DPF3: variants seen among roughly 807,000 people sequenced by gnomAD.
DPF3 encodes the protein zinc finger protein DPF3.
A neutral mutation model predicts 56.8 loss-of-function variants in DPF3; 18 were observed. That is an observed-to-expected ratio of 0.32 (90% confidence interval 0.22 to 0.47). The LOEUF (loss-of-function observed/expected upper bound fraction) is 0.47. Among genes scored for constraint, DPF3 ranks in the 20% least tolerant of loss-of-function variants. DPF3 has a pLI of 1.00. For missense variants in DPF3, 403 were observed against 488.8 expected (o/e 0.82, Z 1.65); for synonymous variants, 188 against 180.2 (o/e 1.04, Z -0.35).
chr14:72,667,833 A>AGTAT (rs1188249418), intron 8 of DPF3, among the ~76,000 whole-genome samples: 1 of 152,208 alleles, frequency 6.6e-6, no homozygotes, highest in Non-Finnish European at 1.5e-5. Context: ...GAAACAGCAA[A>AGTAT]GTATGTATAC....
intron 1 of DPF3, among the ~76,000 whole-genome samples, chr14:72,818,556 C>A (rs953520758): frequency 6.6e-6 from 1 of 152,112 alleles, no homozygotes; most frequent in Non-Finnish European, 1.5e-5. Flanking sequence ...TCATGCCTGC[C>A]GTCCCAGCTA....
At chr14:72,719,854 C>G (rs2153576362) in intron 5 of DPF3, among the ~76,000 whole-genome samples, 1 of 152,280 alleles carries the variant, frequency 6.6e-6, no homozygotes, top group East Asian at 1.9e-4. Flanking sequence ...ACAGAGGTTA[C>G]ATAATTCATC....
chr14:72,794,689 T>C (rs533377785), intron 1 of DPF3, among the ~76,000 whole-genome samples: 1 of 152,300 alleles, frequency 6.6e-6, no homozygotes, highest in African/African-American at 2.4e-5. Context: ...GGGTGCTGTG[T>C]TGGTTTTCTA....
At chr14:72,719,987 G>T (rs2153576377) in intron 5 of DPF3, among the ~76,000 whole-genome samples, 1 of 152,020 alleles carries the variant, frequency 6.6e-6, no homozygotes, top group South Asian at 2.1e-4. Flanking sequence ...CAAAGCACCT[G>T]GGGGCTTGTC....
Position 72,838,908 on chromosome 14 carries a change from C to CT in DPF3, c.32+55148dup, listed in dbSNP as rs376458640. Among the ~76,000 whole-genome samples the CT allele has an allele frequency of 2.2e-3, 172 of 78,580 alleles. 22 individuals carry two copies. The highest frequency in any genetic ancestry group is 9.3e-3 in the African/African-American group (134 of 14,408). The allele number at this position is 78,580 out of a possible 152,430, so 51.6% of individuals were successfully genotyped here. On this transcript the variant is annotated intron_variant, in intron 1 of 10. Transcript: ENST00000556509. ...TATCATATATATTATCATATATATT[C>CT]TTTTTTTTTTTTTTTTTTTTTTTTT...
chr14:72,799,263 T>C (rs771069426), intron 1 of DPF3, among the ~76,000 whole-genome samples: 2 of 152,162 alleles, frequency 1.3e-5, no homozygotes, highest in Non-Finnish European at 2.9e-5. Flanking sequence ...CTAGTAACAA[T>C]ACCTCCATTT....
intron 1 of DPF3, among the ~76,000 whole-genome samples, chr14:72,826,388 T>C (rs1305779116): frequency 6.6e-6 from 1 of 152,128 alleles, no homozygotes; most frequent in Non-Finnish European, 1.5e-5. Flanking sequence ...CGCTCCTCCT[T>C]TCTGTGATGG....
At chr14:72,688,563 T>C (rs1887535076) in intron 7 of DPF3, among the ~76,000 whole-genome samples, 1 of 152,234 alleles carries the variant, frequency 6.6e-6, no homozygotes, top group Non-Finnish European at 1.5e-5. Context: ...TCCAGAGCTC[T>C]TTCTGCTACT....
intron 3 of DPF3, among the ~76,000 whole-genome samples, chr14:72,744,933 C>A (rs913385116): frequency 9.2e-5 from 14 of 152,150 alleles, no homozygotes; most frequent in Non-Finnish European, 1.9e-4. Context: ...TCCCTCTTCC[C>A]GGAGGAGATG....
intron 1 of DPF3, among the ~76,000 whole-genome samples, chr14:72,871,227 G>C (rs1885888779): frequency 6.6e-6 from 1 of 152,112 alleles, no homozygotes; most frequent in Non-Finnish European, 1.5e-5. Context: ...GATTTACGTG[G>C]GGACACAGCC....
At position 72,614,524 on chromosome 14, in the gene DPF3, C is replaced by T. The variant is rs142830341; in HGVS notation, c.*4773G>A. On this transcript the variant is annotated 3_prime_UTR_variant, in exon 11 of 11. Transcript: ENST00000556509. ...GGGGACAGGGGCCTGGGGGCCTGAC[C>T]CCTCTGGTAGCAGTGCCTGGAAATG... is the stretch of plus-strand genomic sequence containing the variant. Among the ~76,000 whole-genome samples, 186 of 152,162 alleles carry T rather than the reference C, an allele frequency of 1.2e-3. No individual in the cohort carries two copies. Among genetic ancestry groups the T allele is most frequent in the Admixed American group, 2.0e-3 (30 of 15,294 alleles).
intron 1 of DPF3, among the ~76,000 whole-genome samples, chr14:72,847,967 G>A (rs542463228): frequency 6.6e-6 from 1 of 152,158 alleles, no homozygotes; most frequent in Non-Finnish European, 1.5e-5. Context: ...GCTCCTTAAT[G>A]ACAAGCTACT....
chr14:72,880,070 C>T, intron 1 of DPF3: 1 of 1,090,316 alleles, frequency 9.2e-7, no homozygotes, highest in African/African-American at 1.6e-5. Context: ...CAGTAACAGA[C>T]ATAGTAAGTT....
chr14:72,756,671 G>A (rs1037061153), intron 2 of DPF3, among the ~76,000 whole-genome samples: 3 of 151,906 alleles, frequency 2.0e-5, no homozygotes, highest in Non-Finnish European at 4.4e-5. Flanking sequence ...AAATTAGCCA[G>A]TATGGTGGCG....
chr14:72,653,678 T>C (rs1032483191), intron 8 of DPF3, among the ~76,000 whole-genome samples: 5 of 152,162 alleles, frequency 3.3e-5, no homozygotes, highest in African/African-American at 1.2e-4. Flanking sequence ...TAGATTTTGA[T>C]CCCAAAGTTA....
intron 8 of DPF3, chr14:72,671,511 C>T (rs979080177): frequency 2.1e-6 from 2 of 951,788 alleles, no homozygotes; most frequent in Non-Finnish European, 3.4e-6. Context: ...ACAAAGCAAA[C>T]ATTTCCAGGG....
intron 8 of DPF3, among the ~76,000 whole-genome samples, chr14:72,659,784 T>A (rs1599333489): frequency 6.6e-6 from 1 of 152,346 alleles, no homozygotes; most frequent in Non-Finnish European, 1.5e-5. Context: ...GTAATAAATA[T>A]GGGAAACTTC....
chr14:72,739,734 A>G (rs10140579), intron 3 of DPF3, among the ~76,000 whole-genome samples: 6 of 152,152 alleles, frequency 3.9e-5, no homozygotes, highest in Non-Finnish European at 8.8e-5. Context: ...GCTTCGGGGG[A>G]AAAATCATGG....
chr14:72,821,049 G>T (rs796355268), intron 1 of DPF3, among the ~76,000 whole-genome samples: 2 of 150,854 alleles, frequency 1.3e-5, no homozygotes, highest in African/African-American at 4.9e-5. Context: ...CATGAAAATC[G>T]CTTGAACCTG....
Sources: allele counts gnomAD v4.1 joint callset (sites outside exome capture counted in the v4.1 genomes callset), GRCh38; gene constraint gnomAD v4.1.1; transcripts MANE v1.5; gene names NCBI Gene and HGNC (gene_info 2026-07-23, HGNC 2026-07-21).